The following SORCS1 variants were observed in gnomAD, a reference collection of about 807,000 sequenced individuals.
The protein encoded by SORCS1 is sortilin related VPS10 domain containing receptor 1, also known as VPS10 domain-containing receptor SorCS1.
SORCS1 carries 60 observed loss-of-function variants against 146.1 expected under a neutral mutation model. The observed-to-expected ratio is 0.41, with a 90% CI of 0.33 to 0.51. SORCS1 has a LOEUF of 0.51. Among genes scored for constraint, SORCS1 ranks in the 20% least tolerant of loss-of-function variants. SORCS1 has a pLI of 0.21. For synonymous variants in SORCS1, 637 were observed against 584.0 expected, an observed-to-expected ratio of 1.09 and a Z score of -1.31; for missense variants, 1,352 against 1,487.6, an observed-to-expected ratio of 0.91 and a Z score of 1.50.
In SORCS1 at chr10:106,891,377, G is replaced by A. The variant is rs879548065; in HGVS notation, c.627-61704C>T. ...AGTTGATAGAGTGATCAGAATCAAT[G>A]AAAATACCCCTTGTACAGTGAGTAT... On this transcript the variant is annotated intron_variant, in intron 2 of 25. Coordinates refer to ENST00000263054, the MANE Select transcript of SORCS1 (RefSeq NM_052918.5). Among the ~76,000 whole-genome samples the A allele has an allele frequency of 2.6e-4, 40 of 152,190 alleles. No individual in the cohort carries two copies. The South Asian group carries it at 4.8e-3, about 18-fold the overall frequency.
intron 2 of SORCS1, among the ~76,000 whole-genome samples, chr10:106,877,195 C>G (rs529993733): frequency 1.2e-4 from 19 of 152,098 alleles, no homozygotes; most frequent in Non-Finnish European, 2.2e-4. Context: ...AAAATCTTCT[C>G]AAAAATTCAG....
At chr10:106,616,146 A>G (rs1847346528) in intron 21 of SORCS1, among the ~76,000 whole-genome samples, 1 of 152,170 alleles carries the variant, frequency 6.6e-6, no homozygotes, top group African/African-American at 2.4e-5. Context: ...TGTCTGGGCC[A>G]TAATTTCCTA....
chr10:107,039,156 C>T (rs928888900), intron 1 of SORCS1, among the ~76,000 whole-genome samples: 33 of 151,828 alleles, frequency 2.2e-4, no homozygotes, highest in Non-Finnish European at 4.4e-4. Flanking sequence ...GGTGAAACCC[C>T]GTCTCTAATA....
intron 1 of SORCS1, among the ~76,000 whole-genome samples, chr10:107,115,984 T>C (rs1445445224): frequency 6.6e-6 from 1 of 152,070 alleles, no homozygotes; most frequent in Non-Finnish European, 1.5e-5. Context: ...TAAATGGCTA[T>C]TTGTATGTTT....
chr10:106,971,754 G>A (rs1178613162), intron 1 of SORCS1, among the ~76,000 whole-genome samples: 1 of 152,204 alleles, frequency 6.6e-6, no homozygotes, highest in East Asian at 1.9e-4. Flanking sequence ...CCAGGACACT[G>A]CAGAGATCCA....
At chr10:106,643,358 A>G (rs1196932883) in intron 18 of SORCS1, among the ~76,000 whole-genome samples, 2 of 152,128 alleles carry the variant, frequency 1.3e-5, no homozygotes, top group Non-Finnish European at 2.9e-5. Flanking sequence ...TTTCAGAGAC[A>G]CTCTGTGTCT....
intron 6 of SORCS1, among the ~76,000 whole-genome samples, chr10:106,721,228 A>G (rs574010615): frequency 2.0e-5 from 3 of 152,218 alleles, no homozygotes; most frequent in Admixed American, 1.3e-4. Flanking sequence ...AGAAATGGAA[A>G]CGTCTAACCT....
chr10:106,695,158 T>G (rs2135707749), intron 9 of SORCS1, among the ~76,000 whole-genome samples: 1 of 152,280 alleles, frequency 6.6e-6, no homozygotes, highest in African/African-American at 2.4e-5. Context: ...GTTTCCAGGC[T>G]TTTCTTACAC....
chr10:106,662,527 A>G (rs570574734), intron 17 of SORCS1, among the ~76,000 whole-genome samples: 21 of 152,264 alleles, frequency 1.4e-4, no homozygotes, highest in African/African-American at 4.8e-4. Context: ...GGCCAGCCCT[A>G]CACTTGCGAT....
intron 2 of SORCS1, among the ~76,000 whole-genome samples, chr10:106,923,242 T>C (rs777280059): frequency 6.6e-6 from 1 of 152,204 alleles, no homozygotes; most frequent in Non-Finnish European, 1.5e-5. Context: ...GAATGTCATG[T>C]ATTTGGAGTC....
At chr10:106,720,652 T>C (rs532943406) in intron 6 of SORCS1, among the ~76,000 whole-genome samples, 7 of 151,944 alleles carry the variant, frequency 4.6e-5, no homozygotes, top group African/African-American at 1.4e-4. Context: ...CTGCATGTTA[T>C]ATGGAGTGCT....
rs553306576 is a variant in SORCS1 at position 106,800,788 on chromosome 10, G to A, written c.727-24096C>T. On this transcript the variant is annotated intron_variant, in intron 3 of 25. Transcript: ENST00000263054. ...GATCTCCTGACCTTGTGATCTGCCT[G>A]CCGCAGTCTCCCAAAGTGCTGGGAT... Among the ~76,000 whole-genome samples, 57 of 152,146 alleles carry A rather than the reference G, an allele frequency of 3.7e-4. No individual in the cohort carries two copies. In the South Asian group the frequency reaches 0.012, roughly 31 times the overall value.
At chr10:106,787,199 A>G (rs7091546) in intron 3 of SORCS1, among the ~76,000 whole-genome samples, 34,390 of 152,122 alleles carry the variant, frequency 0.23, 4,379 homozygotes, top group Non-Finnish European at 0.29. Context: ...AGAGCAAAGT[A>G]GTCCTTGCTC....
At chr10:107,146,387 T>A (rs1313676747) in intron 1 of SORCS1, among the ~76,000 whole-genome samples, 1 of 152,216 alleles carries the variant, frequency 6.6e-6, no homozygotes, top group African/African-American at 2.4e-5. Context: ...ATGTTTTCAA[T>A]TAACTCCTAA....
At chr10:106,980,203 C>T (rs1029743778) in intron 1 of SORCS1, among the ~76,000 whole-genome samples, 1 of 152,182 alleles carries the variant, frequency 6.6e-6, no homozygotes, top group Non-Finnish European at 1.5e-5. Context: ...GATGTTGGGC[C>T]AATGTGTCTA....
Position 106,944,532 on chromosome 10 carries a change from C to A in SORCS1, c.626+11981G>T, listed in dbSNP as rs1954210514. Among the ~76,000 whole-genome samples the A allele has an allele frequency of 2.6e-5, 4 of 152,196 alleles. No homozygotes were observed. In the South Asian group the frequency reaches 8.3e-4, roughly 31 times the overall value. On this transcript the variant is annotated intron_variant, in intron 2 of 25. Coordinates refer to ENST00000263054, the MANE Select transcript of SORCS1 (RefSeq NM_052918.5). ...ATGGCACTTGACATACTGACATAAT[C>A]TCTCATGTATTTATCTGTCTCCCCA...
intron 7 of SORCS1, among the ~76,000 whole-genome samples, chr10:106,707,383 G>T (rs898064922): frequency 2.3e-4 from 35 of 151,870 alleles, no homozygotes; most frequent in East Asian, 1.9e-4. Context: ...TAGAGATGGT[G>T]GGGGGGAGGG....
chr10:107,169,955 A>C, the SORCS1 span, among the ~76,000 whole-genome samples: 177 of 152,292 alleles, frequency 1.2e-3, 1 homozygote, highest in African/African-American at 4.0e-3. Context: ...AAATAATATC[A>C]CTGTCATTAT....
At chr10:106,890,138 A>G (rs1387705901) in intron 2 of SORCS1, among the ~76,000 whole-genome samples, 1 of 152,140 alleles carries the variant, frequency 6.6e-6, no homozygotes, top group Non-Finnish European at 1.5e-5. Context: ...ATAATCACTC[A>G]AAGTGATTCT....
Sources: gnomAD v4.1 joint callset for allele counts (sites outside exome capture counted in the v4.1 genomes callset) on GRCh38, gnomAD v4.1.1 for gene constraint, MANE v1.5 for transcripts, NCBI Gene and HGNC (gene_info 2026-07-23, HGNC 2026-07-21) for gene names.